The following CBR3 variants were observed in gnomAD, a reference collection of about 807,000 sequenced individuals.
CBR3 encodes the protein carbonyl reductase 3.
In CBR3, 14 loss-of-function variants were observed where a neutral mutation model predicts 11.6. The observed-to-expected ratio is 1.20, with a 90% confidence interval of 0.79 to 1.88. The LOEUF (loss-of-function observed/expected upper bound fraction) is 1.88, where lower values mean the gene tolerates loss of function less well. Among genes scored for constraint, CBR3 ranks in the 40% most tolerant of loss-of-function variants. The pLI, the probability that CBR3 is intolerant of heterozygous loss-of-function variation, is 0.00. For missense variants in CBR3, 308 were observed against 357.3 expected (o/e 0.86, Z 1.11); for synonymous variants, 125 against 145.6 (o/e 0.86, Z 1.02).
chr21:36,135,464 C>A lies in CBR3; in HGVS notation c.272C>A (p.Ala91Glu). The A allele has an allele frequency of 6.2e-7, 1 of 1,611,708 alleles. No individual in the cohort carries two copies. The highest frequency in any genetic ancestry group is 1.1e-5 in the South Asian group (1 of 90,914). ...YGGLNVLVNN[A>E]AVAFKSDDPM... ...GGGCTCAACGTACTGGTCAACAACG[C>A]GGCCGTCGCCTTCAAGAGTAGGTGC... The change falls in exon 1 of 3, where the codon GCG becomes GAG. Residue 91 changes from alanine to glutamate, a missense_variant. Physicochemically the swap from Ala to Glu is moderately radical, Grantham distance 107. Transcript: ENST00000290354.
At chr21:36,139,333 CTG>C (rs2065689176) in intron 2 of CBR3, among the ~76,000 whole-genome samples, 2 of 150,732 alleles carry the variant, frequency 1.3e-5, no homozygotes, top group Admixed American at 1.3e-4. Flanking sequence ...AAGAAGTTAA[CTG>C]TGGATTCTTA....
intron 2 of CBR3, chr21:36,141,461 T>C (rs2065708656): frequency 6.6e-6 from 1 of 152,104 alleles, no homozygotes. Context: ...TGCAGAATGG[T>C]TGTATGGGGC....
rs16993929 is a variant in CBR3, at chr21:36,137,926, C to T, written c.391C>T (p.Pro131Ser). ...MCNELLPIMK[P>S]HGRVVNISSL... ...CAACGAGTTACTGCCGATAATGAAA[C>T]CTCATGGTAAGCCCAACGTGTGGAC... is the stretch of plus-strand genomic sequence containing the variant. Residue 131 changes from proline to serine, a missense_variant, in exon 2 of 3, where the codon CCT becomes TCT. By Grantham distance (74) the Pro-to-Ser change is moderately conservative. Transcript: ENST00000290354. 11,980 of 1,589,868 alleles carry T rather than the reference C, an allele frequency of 7.5e-3. 731 individuals are homozygous for T. The African/African-American group carries it at 0.14, about 18-fold the overall frequency.
Position 36,135,376 on chromosome 21 carries a change from C to A in CBR3, c.184C>A (p.Leu62Met), listed in dbSNP as rs1453699574. Residue 62 changes from leucine (L) to methionine (M), a missense_variant, in exon 1 of 3, where the codon CTG becomes ATG. Transcript: ENST00000290354. ...GGGCCTGAGCCCGCGCTTCCACCAACTGGACATCGACGACTTGCAGAGCAT... is the reference window on the plus strand; with the variant it reads ...GGGCCTGAGCCCGCGCTTCCACCAAATGGACATCGACGACTTGCAGAGCAT... ...AEGLSPRFHQ[L>M]DIDDLQSIRA... The A allele has an allele frequency of 6.2e-7, 1 of 1,613,142 alleles. No homozygotes were observed. Among genetic ancestry groups the A allele is most frequent in the Non-Finnish European group, 8.5e-7 (1 of 1,179,834 alleles).
chr21:36,146,284 G>A lies in CBR3; in HGVS notation c.606G>A (p.Thr202=), dbSNP rs17849671. 0.053 allele frequency: 85,078 copies of A among 1,614,116 alleles called. 2,611 individuals are homozygous for A. Among genetic ancestry groups the A allele is most frequent in the Non-Finnish European group, 0.059 (69,453 of 1,179,988 alleles). Residue 202 remains threonine, a synonymous_variant, in exon 3 of 3, where the codon ACG becomes ACA. Coordinates refer to ENST00000290354, the MANE Select transcript of CBR3 (RefSeq NM_001236.4). ...SPYGVSKLGV[T]VLSRILARRL... is the part of the protein sequence containing the mutation. ...ATGGGGTGTCCAAGTTGGGGGTCAC[G>A]GTCTTATCGAGGATCCTGGCCAGGC...
chr21:36,135,134 C>T lies in CBR3; in HGVS notation c.-59C>T, dbSNP rs1425201491. Reference sequence around the variant, plus strand: ...TAGCTGGGCTCCTCGGGGCGCGCCCCAGGTGGTCCGAAGCCCGGTCCGCCC... The same window carrying T: ...TAGCTGGGCTCCTCGGGGCGCGCCCTAGGTGGTCCGAAGCCCGGTCCGCCC... On this transcript the variant is annotated 5_prime_UTR_variant, in exon 1 of 3. Transcript: ENST00000290354. 2 of 1,400,640 alleles carry T rather than the reference C, an allele frequency of 1.4e-6. No individual in the cohort carries two copies. The highest frequency in any genetic ancestry group is 1.5e-5 in the African/African-American group (1 of 65,592). 86.8% of individuals were successfully genotyped at this position (1,400,640 alleles called of 1,614,324 possible).
At chr21:36,139,312 T>C (rs1261842113) in intron 2 of CBR3, among the ~76,000 whole-genome samples, 3 of 152,064 alleles carry the variant, frequency 2.0e-5, no homozygotes, top group Admixed American at 2.0e-4. Context: ...TCCTTGAGGA[T>C]TTTATTCCCC....
intron 2 of CBR3, among the ~76,000 whole-genome samples, chr21:36,139,881 C>CTTTTTTTTTTT (rs10689993): frequency 2.2e-5 from 2 of 89,830 alleles, no homozygotes; most frequent in Admixed American, 1.6e-4. Context: ...GATGCAAAAC[C>CTTTTTTTTTTT]TTTTTTTTTT....
intron 2 of CBR3, among the ~76,000 whole-genome samples, chr21:36,144,553 G>A (rs982366996): frequency 2.5e-5 from 3 of 121,492 alleles, no homozygotes; most frequent in African/African-American, 9.8e-5. Flanking sequence ...CTTGATCCTG[G>A]GAGGCGGAGG....
chr21:36,143,807 G>C (rs949147918), intron 2 of CBR3, among the ~76,000 whole-genome samples: 5 of 150,984 alleles, frequency 3.3e-5, no homozygotes, highest in African/African-American at 9.7e-5. Flanking sequence ...TTGAGTCTGG[G>C]AAGTGGAGGC....
intron 2 of CBR3, among the ~76,000 whole-genome samples, chr21:36,143,066 A>G (rs1449236747): frequency 6.6e-6 from 1 of 152,160 alleles, no homozygotes; most frequent in Non-Finnish European, 1.5e-5. Context: ...GCACTTTGGG[A>G]GGCCGAGGAA....
intron 2 of CBR3, among the ~76,000 whole-genome samples, 171 bp downstream of exon 2, chr21:36,138,103 T>TTTAG (rs2065676742): frequency 6.7e-6 from 1 of 150,116 alleles, no homozygotes; most frequent in Non-Finnish European, 1.5e-5. Context: ...CACTCCAACA[T>TTTAG]TTTAGTTTAG....
chr21:36,141,584 C>CTTAT (rs2065709820), intron 2 of CBR3: 1 of 152,170 alleles, frequency 6.6e-6, no homozygotes, highest in Admixed American at 6.6e-5. Flanking sequence ...ATTTGACTTG[C>CTTAT]TTATTTGTTC....
intron 1 of CBR3, among the ~76,000 whole-genome samples, chr21:36,136,681 G>C (rs2065662335): frequency 1.3e-5 from 2 of 152,116 alleles, no homozygotes; most frequent in African/African-American, 4.8e-5. Flanking sequence ...TGCAAACCTG[G>C]GCGCTCATGG....
intron 1 of CBR3, among the ~76,000 whole-genome samples, chr21:36,135,870 G>A (rs2065656441): frequency 6.6e-6 from 1 of 152,242 alleles, no homozygotes; most frequent in South Asian, 2.1e-4. Context: ...CTCGCTTTGG[G>A]CTTTCGCTTT....
intron 2 of CBR3, chr21:36,138,903 G>C (rs1282824113): frequency 1.3e-5 from 2 of 151,586 alleles, no homozygotes; most frequent in African/African-American, 4.9e-5. Flanking sequence ...GCACCACCAC[G>C]CCCAGCTCAT....
chr21:36,139,964 T>C (rs1346641793), intron 2 of CBR3, among the ~76,000 whole-genome samples: 1 of 138,718 alleles, frequency 7.2e-6, no homozygotes, highest in Non-Finnish European at 1.5e-5. Flanking sequence ...CTCAGCTCGC[T>C]GCAACCTCCG....
intron 2 of CBR3, among the ~76,000 whole-genome samples, chr21:36,139,280 CTGGGGTACAGGGAAGCT>C (rs2065688679): frequency 6.6e-6 from 1 of 151,880 alleles, no homozygotes; most frequent in African/African-American, 2.4e-5. Flanking sequence ...GACAGCTGTG[CTGGGGTACAGGGAAGCT>C]TGCTTCCTTG....
Position 36,135,202 on chromosome 21 carries a change from T to C in CBR3, c.10T>C (p.Cys4Arg). 1 of 1,496,700 alleles carries C rather than the reference T, an allele frequency of 6.7e-7. No individual in the cohort carries two copies. The highest frequency in any genetic ancestry group is 1.8e-4 in the Middle Eastern group (1 of 5,588). The allele number at this position is 1,496,700 out of a possible 1,614,324, so 92.7% of individuals were successfully genotyped here. A position where few individuals can be genotyped will look rare whatever the true frequency, so the allele number is the denominator to read the frequency against. Reference sequence around the variant, plus strand: ...CGCTCCCCGCTCAGCCATGTCGTCCTGCAGCCGCGTGGCGCTGGTGACCGG... The same window carrying C: ...CGCTCCCCGCTCAGCCATGTCGTCCCGCAGCCGCGTGGCGCTGGTGACCGG... Reference protein sequence around the residue: MSSCSRVALVTGAN... With the variant: MSSRSRVALVTGAN... Residue 4 changes from cysteine to arginine, a missense_variant, in exon 1 of 3, where the codon TGC (cysteine) becomes CGC (arginine). Cys to Arg is a radical substitution (Grantham distance 180). Transcript: ENST00000290354.
Sources: allele counts gnomAD v4.1 joint callset (sites outside exome capture counted in the v4.1 genomes callset), GRCh38; gene constraint gnomAD v4.1.1; transcripts MANE v1.5; gene names NCBI Gene and HGNC (gene_info 2026-07-23, HGNC 2026-07-21).